Variants in PTPRD observed in about 807,000 individuals in gnomAD.
The protein encoded by PTPRD is receptor-type tyrosine-protein phosphatase delta.
PTPRD carries 34 observed loss-of-function variants against 214.5 expected under a neutral mutation model. The ratio of observed to expected loss-of-function variants is 0.16; its 90% CI spans 0.12 to 0.21. The LOEUF is 0.21. Among genes scored for constraint, PTPRD ranks in the 10% least tolerant of loss-of-function variants. The pLI is 1.00. For synonymous variants in PTPRD, 1,128 were observed against 845.7 expected (o/e 1.33, Z -5.79); for missense variants, 2,545 against 2,398.7 (o/e 1.06, Z -1.27).
At chr9:8,614,848 T>G (rs1206173003) in intron 14 of PTPRD, among the ~76,000 whole-genome samples, 1 of 152,088 alleles carries the variant, frequency 6.6e-6, no homozygotes, top group Non-Finnish European at 1.5e-5. Context: ...TCCTCATATT[T>G]CACAAAAAGT....
At chr9:8,947,356 G>T (rs1176877668) in intron 11 of PTPRD, among the ~76,000 whole-genome samples, 1 of 151,170 alleles carries the variant, frequency 6.6e-6, no homozygotes, top group Non-Finnish European at 1.5e-5. Flanking sequence ...CCAGCTATTC[G>T]GGAGACTGAG....
At chr9:8,927,675 C>G (rs1354183570) in intron 11 of PTPRD, among the ~76,000 whole-genome samples, 1 of 152,122 alleles carries the variant, frequency 6.6e-6, no homozygotes, top group African/African-American at 2.4e-5. Flanking sequence ...CATATGTGTG[C>G]ATGTGTCTTT....
chr9:8,839,180 A>T (rs1361253955), intron 11 of PTPRD, among the ~76,000 whole-genome samples: 1 of 152,164 alleles, frequency 6.6e-6, no homozygotes, highest in Non-Finnish European at 1.5e-5. Context: ...TCAAGCAAAC[A>T]TAAGGGAAAA....
intron 14 of PTPRD, among the ~76,000 whole-genome samples, chr9:8,572,159 T>A (rs1374943688): frequency 6.6e-6 from 1 of 152,146 alleles, no homozygotes; most frequent in African/African-American, 2.4e-5. Context: ...GAGTGTCAGT[T>A]AAACTGGACT....
chr9:8,987,523 G>A (rs2099350412), intron 11 of PTPRD, among the ~76,000 whole-genome samples: 1 of 152,126 alleles, frequency 6.6e-6, no homozygotes, highest in South Asian at 2.1e-4. Context: ...CTGTGTTCAT[G>A]TGTGTTTTAC....
At chr9:9,581,698 A>C (rs1214800555) in intron 7 of PTPRD, among the ~76,000 whole-genome samples, 1 of 152,158 alleles carries the variant, frequency 6.6e-6, no homozygotes, top group Non-Finnish European at 1.5e-5. Context: ...TCAACGTCTT[A>C]ATCAATGCCT....
chr9:9,852,978 T>G (rs749361083), intron 5 of PTPRD, among the ~76,000 whole-genome samples: 13 of 152,166 alleles, frequency 8.5e-5, no homozygotes, highest in Non-Finnish European at 1.8e-4. Flanking sequence ...TTCCCAGCAG[T>G]GAGCACACTA....
intron 9 of PTPRD, among the ~76,000 whole-genome samples, chr9:9,230,548 T>C (rs1344216955): frequency 6.6e-6 from 1 of 152,140 alleles, no homozygotes; most frequent in Non-Finnish European, 1.5e-5. Context: ...AACTGACATC[T>C]GGATTGGGTT....
At chr9:9,154,293 T>C (rs951113967) in intron 10 of PTPRD, among the ~76,000 whole-genome samples, 3 of 152,188 alleles carry the variant, frequency 2.0e-5, no homozygotes, top group Non-Finnish European at 2.9e-5. Context: ...TAGGTTGCCA[T>C]AACAAAATAC....
intron 2 of PTPRD, among the ~76,000 whole-genome samples, chr9:10,478,708 T>C (rs1427273123): frequency 6.6e-6 from 1 of 151,614 alleles, no homozygotes; most frequent in Non-Finnish European, 1.5e-5. Context: ...ATTACAGAGT[T>C]ACTATATTCT....
chr9:10,360,245 C>A (rs185407384), intron 2 of PTPRD, among the ~76,000 whole-genome samples: 2 of 152,210 alleles, frequency 1.3e-5, no homozygotes, highest in African/African-American at 4.8e-5. Flanking sequence ...GATTATCAAT[C>A]CTGGCTTCAG....
At chr9:10,301,532 G>A (rs1197606601) in intron 3 of PTPRD, among the ~76,000 whole-genome samples, 2 of 152,114 alleles carry the variant, frequency 1.3e-5, no homozygotes, top group Non-Finnish European at 2.9e-5. Context: ...CAAAAGGTTA[G>A]ACAAATTGCT....
chr9:8,406,059 G>C (rs912156446), intron 35 of PTPRD, among the ~76,000 whole-genome samples: 2 of 152,086 alleles, frequency 1.3e-5, no homozygotes, highest in East Asian at 1.9e-4. Context: ...TTCTTAGCCT[G>C]TGTTAATCTA....
At chr9:8,531,771 C>A (rs573917679) in intron 14 of PTPRD, among the ~76,000 whole-genome samples, 1 of 152,080 alleles carries the variant, frequency 6.6e-6, no homozygotes, top group African/African-American at 2.4e-5. Flanking sequence ...ATATTCAGTG[C>A]TGATCAGTGG....
chr9:10,156,523 T>G (rs2099094454), intron 3 of PTPRD, among the ~76,000 whole-genome samples: 1 of 152,206 alleles, frequency 6.6e-6, no homozygotes, highest in Non-Finnish European at 1.5e-5. Flanking sequence ...GTTCATTTAT[T>G]TCGCATTTGC....
At chr9:9,485,219 T>C (rs775270774) in intron 8 of PTPRD, among the ~76,000 whole-genome samples, 4 of 152,114 alleles carry the variant, frequency 2.6e-5, no homozygotes, top group Admixed American at 6.6e-5. Context: ...GGTAAAAAAA[T>C]TGAAGCATAA....
At chr9:9,455,506 A>G (rs1011155998) in intron 8 of PTPRD, among the ~76,000 whole-genome samples, 2 of 151,652 alleles carry the variant, frequency 1.3e-5, no homozygotes, top group Non-Finnish European at 1.5e-5. Flanking sequence ...ATCTTATCTC[A>G]GTACAGCTAC....
chr9:10,209,902 G>A (rs2099507816), intron 3 of PTPRD, among the ~76,000 whole-genome samples: 1 of 152,052 alleles, frequency 6.6e-6, no homozygotes, highest in Admixed American at 6.6e-5. Flanking sequence ...TAAATCTGGT[G>A]CTTTTGTTTT....
intron 16 of PTPRD, among the ~76,000 whole-genome samples, chr9:8,527,083 G>C (rs1592804601): frequency 6.6e-6 from 1 of 151,900 alleles, no homozygotes; most frequent in Non-Finnish European, 1.5e-5. Context: ...AGACTAACTG[G>C]AAACAAACAT....
Sources: gnomAD v4.1 joint callset for allele counts (sites outside exome capture counted in the v4.1 genomes callset) on GRCh38, gnomAD v4.1.1 for gene constraint, MANE v1.5 for transcripts, NCBI Gene and HGNC (gene_info 2026-07-23, HGNC 2026-07-21) for gene names.